Variants in KCNQ2 observed in about 807,000 individuals in gnomAD.
The protein encoded by KCNQ2 is potassium voltage-gated channel subfamily KQT member 2.
Under a neutral mutation model 84.8 loss-of-function variants are expected in KCNQ2, and 14 were observed. The ratio of observed to expected loss-of-function variants is 0.17; its 90% CI spans 0.11 to 0.26. The LOEUF is 0.26. Among genes scored for constraint, KCNQ2 ranks in the 10% least tolerant of loss-of-function variants. KCNQ2 has a pLI of 1.00. For synonymous variants in KCNQ2, 599 were observed against 554.1 expected, an observed-to-expected ratio of 1.08 and a Z score of -1.14; for missense variants, 788 against 1,254.0, an observed-to-expected ratio of 0.63 and a Z score of 5.61.
intron 5 of KCNQ2, 146 bp downstream of exon 5, chr20:63,442,260 G>A (rs1284702326): frequency 5.1e-6 from 3 of 583,364 alleles, no homozygotes; most frequent in Admixed American, 2.8e-5. Context: ...ACCCCGCCTC[G>A]ACCACAAGCC....
Position 63,403,908 on chromosome 20 carries a change from G to A in KCNQ2, c.*2736C>T, listed in dbSNP as rs887968008. On this transcript the variant is annotated 3_prime_UTR_variant, in exon 17 of 17. Transcript: ENST00000359125. ...CCGCACCACCTCCAGCCTCCTTCCC[G>A]CTGCACTTCTCTGAGGTGGGGCAGT... 3.3e-5 allele frequency: 5 copies of A among 152,258 alleles called. No homozygotes were observed. The highest frequency in any genetic ancestry group is 4.8e-5 in the African/African-American group (2 of 41,450). The allele number at this position is 152,258 out of a possible 1,614,324, so 9.4% of individuals were successfully genotyped here.
At chr20:63,462,994 G>T (rs527864815) in intron 1 of KCNQ2, among the ~76,000 whole-genome samples, 1 of 152,276 alleles carries the variant, frequency 6.6e-6, no homozygotes, top group South Asian at 2.1e-4. Context: ...AGCGCAGAGG[G>T]GGCAAATCAT....
chr20:63,423,241 A>T (rs953192158), intron 11 of KCNQ2, among the ~76,000 whole-genome samples: 1 of 152,084 alleles, frequency 6.6e-6, no homozygotes, highest in African/African-American at 2.4e-5. Context: ...TGGCTGGAAA[A>T]ATGCAGCTCA....
intron 12 of KCNQ2, among the ~76,000 whole-genome samples, chr20:63,419,006 C>G (rs1022735943): frequency 2.0e-5 from 3 of 152,176 alleles, no homozygotes; most frequent in Non-Finnish European, 4.4e-5. Context: ...CCTGCACACA[C>G]CCAACAGCAG....
At chr20:63,458,630 A>G (rs1024966450) in intron 1 of KCNQ2, among the ~76,000 whole-genome samples, 2 of 152,192 alleles carry the variant, frequency 1.3e-5, no homozygotes, top group Non-Finnish European at 2.9e-5. Context: ...CCCCCAGAGC[A>G]GCGGTCTGCT....
chr20:63,470,025 C>T (rs1218686171), intron 1 of KCNQ2, among the ~76,000 whole-genome samples: 1 of 152,238 alleles, frequency 6.6e-6, no homozygotes, highest in Non-Finnish European at 1.5e-5. Context: ...TTCACAAAGC[C>T]CTGGGTTGAG....
intron 5 of KCNQ2, among the ~76,000 whole-genome samples, chr20:63,440,814 G>A (rs1011758835): frequency 3.4e-4 from 52 of 152,092 alleles, no homozygotes; most frequent in African/African-American, 1.2e-3. Flanking sequence ...CCACCACCAC[G>A]CGGAGCGCAC....
rs368489176 is a variant in KCNQ2 at position 63,454,378 on chromosome 20, G to A, written c.297-7541C>T. 5.7e-4 allele frequency among the ~76,000 whole-genome samples: 87 copies of A among 152,330 alleles called. 1 individual carries two copies. The South Asian group carries it at 0.012, about 21-fold the overall frequency. On this transcript the variant is annotated intron_variant, in intron 1 of 16. Transcript: ENST00000359125. Reference sequence around the variant, plus strand: ...AGATGGCACAGATGGCGCTGCCGGGGGCGGCCGGTGCAGGGGAGGCAGAGA... The same window carrying A: ...AGATGGCACAGATGGCGCTGCCGGGAGCGGCCGGTGCAGGGGAGGCAGAGA...
chr20:63,424,113 G>A, intron 11 of KCNQ2, 64 bp downstream of exon 11: 2 of 1,528,372 alleles, frequency 1.3e-6, no homozygotes, highest in Non-Finnish European at 8.9e-7. Context: ...GCGCACACGT[G>A]TGGGAGAGAG....
intron 4 of KCNQ2, among the ~76,000 whole-genome samples, chr20:63,443,015 AC>A (rs2081263946): frequency 1.3e-5 from 1 of 74,910 alleles, no homozygotes; most frequent in Non-Finnish European, 2.8e-5. Flanking sequence ...CATCACCATC[AC>A]CACCACCATC....
intron 1 of KCNQ2, among the ~76,000 whole-genome samples, chr20:63,461,292 T>A (rs2081940330): frequency 1.3e-5 from 2 of 152,164 alleles, no homozygotes; most frequent in African/African-American, 4.8e-5. Context: ...CTTGGCTAAT[T>A]AAATGGCACC....
In KCNQ2 at chr20:63,404,810, C is replaced by A. The variant is rs1332015331; in HGVS notation, c.*1834G>T. The A allele has an allele frequency of 2.0e-5, 3 of 152,348 alleles. No homozygotes were observed. The East Asian group carries it at 5.8e-4, about 29-fold the overall frequency. The allele number at this position is 152,348 out of a possible 1,614,324, so 9.4% of individuals were successfully genotyped here. ...TGCCTTTGGGAACAGAGCAGACAGG[C>A]AGTGGGAGCCTGGACAGTGGCTTCC... On this transcript the variant is annotated 3_prime_UTR_variant, in exon 17 of 17. Transcript: ENST00000359125.
At position 63,400,682 on chromosome 20, in the gene KCNQ2, C is replaced by A. The variant is rs3746372; in HGVS notation, c.*5962G>T. On this transcript the variant is annotated 3_prime_UTR_variant, in exon 17 of 17. Coordinates refer to ENST00000359125, the MANE Select transcript of KCNQ2 (RefSeq NM_172107.4). The surrounding 1 kb of genome is among the most constrained non-coding windows in gnomAD (Gnocchi z 8.7). Reference sequence around the variant, plus strand: ...AGCCACCGTCACGGCCAGAGGATGGCAGACTGCAATGGCGTGGGGCGCGGG... The same window carrying A: ...AGCCACCGTCACGGCCAGAGGATGGAAGACTGCAATGGCGTGGGGCGCGGG... The A allele has an allele frequency of 0.22, 88,546 of 398,554 alleles. 11,536 individuals carry two copies. The highest frequency in any genetic ancestry group is 0.42 in the East Asian group (11,924 of 28,060). The allele number at this position is 398,554 out of a possible 1,614,324, so 24.7% of individuals were successfully genotyped here.
At chr20:63,462,160 T>G (rs1250796934) in intron 1 of KCNQ2, among the ~76,000 whole-genome samples, 1 of 114,394 alleles carries the variant, frequency 8.7e-6, no homozygotes, top group African/African-American at 3.6e-5. Context: ...GGGAGGAGGC[T>G]GCACCTACCC....
intron 4 of KCNQ2, among the ~76,000 whole-genome samples, chr20:63,443,430 C>CCAT (rs2081314632): frequency 2.3e-5 from 1 of 44,076 alleles, no homozygotes; most frequent in Non-Finnish European, 5.0e-5. Flanking sequence ...ACCATCATCA[C>CCAT]CATCACCATC....
At position 63,438,472 on chromosome 20, in the gene KCNQ2, A is replaced by C; in HGVS notation, c.1023+153T>G. On this transcript the variant is annotated intron_variant, in intron 7 of 16. Coordinates refer to ENST00000359125, the MANE Select transcript of KCNQ2 (RefSeq NM_172107.4). This position sits in a 1 kb window ranked among gnomAD's most constrained non-coding sequence, Gnocchi z 5.1. ...AGCCATTTCTCAACACACACACTTC[A>C]CATCCTCGCTCCTTCCACAGATTCC... 1 of 719,232 alleles carries C rather than the reference A, an allele frequency of 1.4e-6. No homozygotes were observed. 44.6% of individuals were successfully genotyped at this position (719,232 alleles called of 1,614,324 possible). A position where few individuals can be genotyped will look rare whatever the true frequency, so the allele number is the denominator to read the frequency against.
At chr20:63,417,122 G>A (rs899648148) in intron 12 of KCNQ2, among the ~76,000 whole-genome samples, 2 of 152,186 alleles carry the variant, frequency 1.3e-5, no homozygotes, top group African/African-American at 4.8e-5. Context: ...CCAACACACC[G>A]TGCCCATGGG....
Position 63,456,728 on chromosome 20 carries a change from T to C in KCNQ2, c.297-9891A>G, listed in dbSNP as rs117610893. 3.3e-3 allele frequency among the ~76,000 whole-genome samples: 500 copies of C among 152,270 alleles called. 16 individuals carry two copies. In the East Asian group the frequency reaches 0.077, roughly 23 times the overall value. ...CTCCGGAGACTCTCAGAGGCCCACG[T>C]GCGGATTGGCCAGAGCTGGCTGGCT... On this transcript the variant is annotated intron_variant, in intron 1 of 16. Coordinates refer to ENST00000359125, the MANE Select transcript of KCNQ2 (RefSeq NM_172107.4).
intron 5 of KCNQ2, 44 bp downstream of exon 5, chr20:63,442,362 G>A (rs1001990123): frequency 6.2e-7 from 1 of 1,613,526 alleles, no homozygotes; most frequent in Non-Finnish European, 8.5e-7. Context: ...AGGGACAGGG[G>A]TGTATCAGCA....
Sources: gnomAD v4.1 joint callset for allele counts (sites outside exome capture counted in the v4.1 genomes callset) on GRCh38, gnomAD v4.1.1 for gene constraint, Gnocchi (gnomAD v3.1) non-coding constraint, MANE v1.5 for transcripts, NCBI Gene and HGNC (gene_info 2026-07-23, HGNC 2026-07-21) for gene names.